TEX14: variants seen among roughly 807,000 people sequenced by gnomAD.
TEX14 encodes testis expressed 14, intercellular bridge forming factor, also known as inactive serine/threonine-protein kinase TEX14.
TEX14 carries 168 observed loss-of-function variants against 178.6 expected under a neutral mutation model. The ratio of observed to expected loss-of-function variants is 0.94; its 90% CI spans 0.83 to 1.07. The LOEUF (loss-of-function observed/expected upper bound fraction) is 1.07. Ranked by LOEUF, TEX14 falls within the 50% of genes least tolerant of loss-of-function variation. The pLI, the probability that TEX14 is intolerant of heterozygous loss-of-function variation, is 0.00. For missense variants in TEX14, 1,730 were observed against 1,753.6 expected, an observed-to-expected ratio of 0.99 and a Z score of 0.24; for synonymous variants, 626 against 634.1, an observed-to-expected ratio of 0.99 and a Z score of 0.19.
chr17:58,602,561 A>C lies in TEX14; in HGVS notation c.1366T>G (p.Ser456Ala). ...GAGACTACGGCTTTTTTAACAACTGAGCCATCTAAGCCCTTCCAGGGTATG... is the reference window on the plus strand; with the variant it reads ...GAGACTACGGCTTTTTTAACAACTGCGCCATCTAAGCCCTTCCAGGGTATG... ...DDIPWKGLDG[S>A]VVKKAVVSGN... is the part of the protein sequence containing the mutation. Residue 456 changes from serine (S) to alanine (A), a missense_variant, in exon 12 of 32, where the codon TCA (serine) becomes GCA (alanine). Ser to Ala is a moderately conservative substitution (Grantham distance 99, BLOSUM62 1). Coordinates refer to ENST00000349033, the MANE Select transcript of TEX14 (RefSeq NM_031272.5). 6.2e-7 allele frequency: 1 copy of C among 1,613,754 alleles called. No homozygotes were observed. The highest frequency in any genetic ancestry group is 8.5e-7 in the Non-Finnish European group (1 of 1,179,898).
chr17:58,670,751 C>T lies in TEX14; in HGVS notation c.-1-18749G>A, dbSNP rs549523907. Among the ~76,000 whole-genome samples, 15 of 108,256 alleles carry T rather than the reference C, an allele frequency of 1.4e-4. 1 individual carries two copies. The South Asian group carries it at 4.7e-3, about 34-fold the overall frequency. The allele number at this position is 108,256 out of a possible 152,430, so 71.0% of individuals were successfully genotyped here. ...TTGCGCCACTACACTCCAGCCTGGG[C>T]GACAGAGTGAGACTCCCTCTTAAAA... is the stretch of plus-strand genomic sequence containing the variant. On this transcript the variant is annotated intron_variant, in intron 1 of 31. Coordinates refer to ENST00000349033, the MANE Select transcript of TEX14 (RefSeq NM_031272.5).
In TEX14 at chr17:58,557,810, G is replaced by C. The variant is rs540077247; in HGVS notation, c.4308C>G (p.Ser1436=). ...KSCFWKRLGW[S]ESSRIIVLDQ... is the part of the protein sequence containing the mutation. Reference sequence around the variant, plus strand: ...TGATATTTCATTACCTGGATGATTCGGACCAACCTAGTCGCTTCCAAAAAC... The same window carrying C: ...TGATATTTCATTACCTGGATGATTCCGACCAACCTAGTCGCTTCCAAAAAC... The change falls in exon 31 of 32, where the codon TCC becomes TCG. Residue 1436 remains serine (S), a synonymous_variant. Transcript: ENST00000349033. 6.2e-7 allele frequency: 1 copy of C among 1,610,514 alleles called. No individual in the cohort carries two copies. Among genetic ancestry groups the C allele is most frequent in the Non-Finnish European group, 8.5e-7 (1 of 1,177,904 alleles).
intron 13 of TEX14, among the ~76,000 whole-genome samples, chr17:58,600,559 C>CA (rs36057622): frequency 0.3 from 34,084 of 114,442 alleles, 4,253 homozygotes; most frequent in Middle Eastern, 0.38. Flanking sequence ...GAAACTGTCT[C>CA]AAAAAAAAAA....
At chr17:58,607,951 T>C (rs1233332942) in intron 10 of TEX14, among the ~76,000 whole-genome samples, 3 of 152,118 alleles carry the variant, frequency 2.0e-5, no homozygotes, top group South Asian at 2.1e-4. Context: ...CACTGTACTA[T>C]GGCCTGGGCA....
intron 10 of TEX14, among the ~76,000 whole-genome samples, chr17:58,607,844 C>T (rs2045645810): frequency 2.0e-5 from 3 of 152,214 alleles, no homozygotes. Flanking sequence ...GAAACATTTA[C>T]CGGCCAGCCG....
chr17:58,640,612 AGT>A (rs33931543), intron 2 of TEX14, among the ~76,000 whole-genome samples: 396 of 143,902 alleles, frequency 2.8e-3, no homozygotes, highest in South Asian at 0.01. Flanking sequence ...CTTACCTTCT[AGT>A]GTGTGTGTGT....
chr17:58,566,798 CAA>C (rs755657065), intron 26 of TEX14, among the ~76,000 whole-genome samples: 21 of 65,136 alleles, frequency 3.2e-4, no homozygotes, highest in Admixed American at 5.2e-4. Context: ...GACTCTGTCT[CAA>C]AAAAAAAAAA....
chr17:58,637,056 G>A (rs1387495133), intron 2 of TEX14, among the ~76,000 whole-genome samples: 6 of 151,932 alleles, frequency 3.9e-5, no homozygotes, highest in East Asian at 3.9e-4. Context: ...GTGAAACCCC[G>A]TTTCTACTAA....
chr17:58,660,601 G>A (rs1397472034), intron 1 of TEX14: 4 of 795,506 alleles, frequency 5.0e-6, no homozygotes, highest in East Asian at 2.4e-5. Context: ...GTCGGTTGCC[G>A]TAGCCCCTAG....
intron 2 of TEX14, among the ~76,000 whole-genome samples, chr17:58,635,724 C>T (rs1403758756): frequency 6.6e-6 from 1 of 152,020 alleles, no homozygotes; most frequent in Non-Finnish European, 1.5e-5. Context: ...GCCACTGCGC[C>T]CAGCCCACCA....
At chr17:58,558,391 A>G (rs2044196961) in intron 30 of TEX14, among the ~76,000 whole-genome samples, 1 of 152,214 alleles carries the variant, frequency 6.6e-6, no homozygotes, top group African/African-American at 2.4e-5. Flanking sequence ...TGCCTACAGA[A>G]GCCGCACTTG....
chr17:58,621,059 A>G (rs12602808), intron 5 of TEX14, among the ~76,000 whole-genome samples: 28,121 of 152,046 alleles, frequency 0.18, 2,777 homozygotes, highest in Non-Finnish European at 0.21. Flanking sequence ...AGGATTCTCT[A>G]CATACAAACC....
Position 58,586,099 on chromosome 17 carries a change from G to C in TEX14, c.2789-17C>G. The C allele has an allele frequency of 6.3e-7, 1 of 1,598,802 alleles. No individual in the cohort carries two copies. The highest frequency in any genetic ancestry group is 1.1e-5 in the South Asian group (1 of 89,792). The stretch of plus-strand genomic sequence containing the variant: ...TCACCTCCACTGTGCATAAGAGAAA[G>C]CAGCATTTAAAACATCACTGTAAAC... On this transcript the variant is annotated splice_polypyrimidine_tract_variant and intron_variant, in intron 17 of 31. Transcript: ENST00000349033.
intron 14 of TEX14, 108 bp downstream of exon 14, chr17:58,598,768 T>G: frequency 9.0e-7 from 1 of 1,108,338 alleles, no homozygotes; most frequent in East Asian, 2.4e-5. Context: ...GGCTTATCTC[T>G]GACTGATCCC....
intron 20 of TEX14, among the ~76,000 whole-genome samples, chr17:58,579,011 C>T (rs2044747433): frequency 6.6e-6 from 1 of 152,196 alleles, no homozygotes; most frequent in African/African-American, 2.4e-5. Flanking sequence ...AACAAGAGTA[C>T]ACAATTTTAA....
Position 58,556,912 on chromosome 17 carries a change from C to T in TEX14, c.*99G>A, listed in dbSNP as rs2144310407. Reference sequence around the variant, plus strand: ...CAAAGTGAGACTTACAGAACTGGAACTGCTGCCCTGACAGCAACTGAAGCA... The same window carrying T: ...CAAAGTGAGACTTACAGAACTGGAATTGCTGCCCTGACAGCAACTGAAGCA... On this transcript the variant is annotated 3_prime_UTR_variant, in exon 32 of 32. Coordinates refer to ENST00000349033, the MANE Select transcript of TEX14 (RefSeq NM_031272.5). 1 of 976,414 alleles carries T rather than the reference C, an allele frequency of 1.0e-6. No homozygotes were observed. The highest frequency in any genetic ancestry group is 1.7e-6 in the Non-Finnish European group (1 of 601,472). 60.5% of individuals were successfully genotyped at this position (976,414 alleles called of 1,614,324 possible).
intron 16 of TEX14, 44 bp downstream of exon 16, chr17:58,587,852 C>G (rs745840140): frequency 8.0e-6 from 9 of 1,130,146 alleles, no homozygotes; most frequent in Non-Finnish European, 1.2e-5. Flanking sequence ...AACCCACCCC[C>G]ACCCCCGCTC....
At chr17:58,561,439 G>T in intron 29 of TEX14, 81 bp downstream of exon 29, 3 of 910,644 alleles carry the variant, frequency 3.3e-6, no homozygotes, top group Non-Finnish European at 5.4e-6. Flanking sequence ...CCATCATCAG[G>T]CATTCATTCT....
chr17:58,625,020 G>C (rs2046101498), intron 3 of TEX14, among the ~76,000 whole-genome samples: 1 of 152,198 alleles, frequency 6.6e-6, no homozygotes, highest in Non-Finnish European at 1.5e-5. Flanking sequence ...CTCTCCCACT[G>C]CTGGGCAGAG....
Sources: allele counts gnomAD v4.1 joint callset (sites outside exome capture counted in the v4.1 genomes callset), GRCh38; gene constraint gnomAD v4.1.1; transcripts MANE v1.5; gene names NCBI Gene and HGNC (gene_info 2026-07-23, HGNC 2026-07-21).